The following PDXDC1 variants were observed in gnomAD, a reference collection of about 807,000 sequenced individuals.
PDXDC1 encodes pyridoxal-dependent decarboxylase domain-containing protein 1.
PDXDC1 carries 42 observed loss-of-function variants against 100.1 expected under a neutral mutation model. That is an observed-to-expected ratio of 0.42 (90% CI 0.33 to 0.54). The LOEUF is 0.54. Among genes scored for constraint, PDXDC1 ranks in the 20% least tolerant of loss-of-function variants. The pLI, the probability that PDXDC1 is intolerant of heterozygous loss-of-function variation, is 0.10. For synonymous variants in PDXDC1, 260 were observed against 371.7 expected (o/e 0.70, Z 3.46); for missense variants, 636 against 979.2 (o/e 0.65, Z 4.68).
chr16:14,985,061 GA>G, intron 1 of PDXDC1, among the ~76,000 whole-genome samples: 1 of 50,436 alleles, frequency 2.0e-5, no homozygotes, highest in Non-Finnish European at 4.2e-5. Context: ...TTTTAGTAGA[GA>G]TGGATGGGGT....
At chr16:15,064,045 G>T (rs2044843030) in intron 16 of PDXDC1, among the ~76,000 whole-genome samples, 1 of 152,174 alleles carries the variant, frequency 6.6e-6, no homozygotes, top group South Asian at 2.1e-4. Flanking sequence ...AATCCCAGAT[G>T]GTCATGATGC....
chr16:15,054,949 G>A (rs981759828), intron 16 of PDXDC1, among the ~76,000 whole-genome samples: 2 of 152,162 alleles, frequency 1.3e-5, no homozygotes, highest in Admixed American at 6.5e-5. Flanking sequence ...CCATCTCAGA[G>A]TGAAAGGGGA....
chr16:15,146,599 G>A, the PDXDC1 span, among the ~76,000 whole-genome samples: 2 of 152,260 alleles, frequency 1.3e-5, no homozygotes, highest in East Asian at 3.9e-4. Context: ...TGCGCTGAAG[G>A]CACCGAGGCT....
chr16:15,147,140 G>A, the PDXDC1 span, among the ~76,000 whole-genome samples: 3 of 144,798 alleles, frequency 2.1e-5, no homozygotes, highest in Admixed American at 6.8e-5. Flanking sequence ...CAGGGAGGGA[G>A]AGGTGGGAGG....
intron 16 of PDXDC1, among the ~76,000 whole-genome samples, chr16:15,052,723 G>A (rs1484588715): frequency 6.6e-6 from 1 of 152,108 alleles, no homozygotes; most frequent in Non-Finnish European, 1.5e-5. Flanking sequence ...TACTCAGGAG[G>A]CTGTGGCAGG....
intron 16 of PDXDC1, chr16:15,104,893 C>A (rs2046736808): frequency 1.3e-6 from 2 of 1,531,230 alleles, no homozygotes; most frequent in East Asian, 2.4e-5. Flanking sequence ...TTCAAAATAG[C>A]AGTATCAGTG....
At chr16:15,143,624 G>A (rs2048508331), downstream of PDXDC1, among the ~76,000 whole-genome samples, 1 of 152,214 alleles carries the variant, frequency 6.6e-6, no homozygotes, top group Admixed American at 6.5e-5. Flanking sequence ...GGCCCGGGAA[G>A]TCTTGTGGCT....
chr16:15,025,548 A>G (rs1423880060), intron 13 of PDXDC1: 1 of 152,494 alleles, frequency 6.6e-6, no homozygotes, highest in African/African-American at 2.4e-5. Context: ...TTGAATTCAC[A>G]TCCTGCTTGG....
intron 1 of PDXDC1, among the ~76,000 whole-genome samples, chr16:14,977,277 T>TC (rs1310189778): frequency 6.7e-6 from 1 of 148,702 alleles, no homozygotes; most frequent in African/African-American, 2.4e-5. Flanking sequence ...TACTTTTTTT[T>TC]TTTTTTTTTT....
intron 16 of PDXDC1, among the ~76,000 whole-genome samples, chr16:15,048,595 T>C (rs1227751363): frequency 1.3e-5 from 2 of 152,106 alleles, no homozygotes; most frequent in African/African-American, 4.8e-5. Flanking sequence ...TACACAGGAA[T>C]AGTGGATGGA....
At chr16:15,146,827 G>A in the PDXDC1 span, among the ~76,000 whole-genome samples, 2 of 152,082 alleles carry the variant, frequency 1.3e-5, no homozygotes, top group Admixed American at 1.3e-4. Context: ...AGGTATGATT[G>A]TTGGGGCTGC....
intron 8 of PDXDC1, among the ~76,000 whole-genome samples, chr16:15,014,124 T>C (rs1436353947): frequency 6.6e-6 from 1 of 152,060 alleles, no homozygotes; most frequent in Non-Finnish European, 1.5e-5. Context: ...GGAGAATAGC[T>C]TGAACCCAGG....
intron 16 of PDXDC1, chr16:15,085,791 C>T (rs2045894827): frequency 2.0e-6 from 3 of 1,517,340 alleles, no homozygotes; most frequent in South Asian, 1.2e-5. Context: ...CAATGAACAG[C>T]TATAAAAAAA....
At chr16:14,999,387 A>G (rs1228833290) in intron 3 of PDXDC1, among the ~76,000 whole-genome samples, 2 of 151,738 alleles carry the variant, frequency 1.3e-5, no homozygotes, top group African/African-American at 2.4e-5. Flanking sequence ...TAGAAAACCA[A>G]CAATTTAATA....
rs1295242630 is a variant in PDXDC1, at chr16:15,135,219, G to A, written c.1400-3660G>A. 1.4e-5 allele frequency: 11 copies of A among 772,500 alleles called. 1 individual carries two copies. The highest frequency in any genetic ancestry group is 5.3e-5 in the East Asian group (2 of 37,868). The allele number at this position is 772,500 out of a possible 1,614,324, so 47.9% of individuals were successfully genotyped here. A position where few individuals can be genotyped will look rare whatever the true frequency, so the allele number is the denominator to read the frequency against. On this transcript the variant is annotated intron_variant, in intron 16 of 16. Transcript: ENST00000535621. ...CACCAGCACTAAAACACGGAAAACA[G>A]TAGATGAGCAGGGAGGTTGGGCTGT...
In PDXDC1 at chr16:14,975,258, G is replaced by T. The variant is rs1215483443; in HGVS notation, c.21+38G>T. On this transcript the variant is annotated intron_variant, in intron 1 of 22. Coordinates refer to ENST00000396410, the MANE Select transcript of PDXDC1 (RefSeq NM_015027.4). ...AGGGGGCGATGGGGACGGTGCTGCG[G>T]CCCGGGGCTCCCGCTTCCGAGGCAA... 3 of 1,389,476 alleles carry T rather than the reference G, an allele frequency of 2.2e-6. No individual in the cohort carries two copies. In the East Asian group the frequency reaches 8.8e-5, roughly 41 times the overall value. 86.1% of individuals were successfully genotyped at this position (1,389,476 alleles called of 1,614,324 possible). A position where few individuals can be genotyped will look rare whatever the true frequency, so the allele number is the denominator to read the frequency against.
chr16:14,977,481 C>A (rs146759439), intron 1 of PDXDC1, among the ~76,000 whole-genome samples: 1 of 151,962 alleles, frequency 6.6e-6, no homozygotes, highest in East Asian at 2.0e-4. Context: ...GGTTTCACCA[C>A]GTTGGTCAGG....
Position 15,033,521 on chromosome 16 carries a change from T to C in PDXDC1, c.1812+122T>C, listed in dbSNP as rs373205231. 3.4e-6 allele frequency: 4 copies of C among 1,168,240 alleles called. No homozygotes were observed. In the African/African-American group the frequency reaches 6.1e-5, roughly 18 times the overall value. 72.4% of individuals were successfully genotyped at this position (1,168,240 alleles called of 1,614,324 possible). ...CGTTGTCTCTCAAAGTCTGTCAATGTTTCCTGTAAGCTGGGCCTTGTGCCA... is the reference window on the plus strand; with the variant it reads ...CGTTGTCTCTCAAAGTCTGTCAATGCTTCCTGTAAGCTGGGCCTTGTGCCA... On this transcript the variant is annotated intron_variant, in intron 19 of 22. Coordinates refer to ENST00000396410, the MANE Select transcript of PDXDC1 (RefSeq NM_015027.4).
Position 15,130,230 on chromosome 16 carries a change from G to A in PDXDC1, c.1400-8649G>A, listed in dbSNP as rs773300296. On this transcript the variant is annotated intron_variant, in intron 16 of 16. Transcript: ENST00000535621. ...AAACACAAAGCGTACATGGCTTGGG[G>A]GCACGAAGAGGCTGGCGCCGAAGGC... 1.9e-5 allele frequency: 29 copies of A among 1,550,750 alleles called. No homozygotes were observed. In the African/African-American group the frequency reaches 3.4e-4, roughly 18 times the overall value.
Sources: allele counts gnomAD v4.1 joint callset (sites outside exome capture counted in the v4.1 genomes callset), GRCh38; gene constraint gnomAD v4.1.1; transcripts MANE v1.5; gene names NCBI Gene and HGNC (gene_info 2026-07-23, HGNC 2026-07-21).